The following CHLSN variants were observed in gnomAD, a reference collection of about 807,000 sequenced individuals.
CHLSN encodes the protein protein cholesin.
At chr7:1,033,490 G>A in the CHLSN span, among the ~76,000 whole-genome samples, 3 of 152,006 alleles carry the variant, frequency 2.0e-5, no homozygotes, top group African/African-American at 7.3e-5. Context: ...CTTGGGAAGT[G>A]GAGGTTGCAG....
At chr7:1,105,387 A>G in the CHLSN span, among the ~76,000 whole-genome samples, 1 of 152,192 alleles carries the variant, frequency 6.6e-6, no homozygotes. Context: ...GTGACGCCCC[A>G]GCCTCTAAGA....
the CHLSN span, among the ~76,000 whole-genome samples, chr7:1,081,706 GGGAGGGA>G: frequency 2.7e-4 from 41 of 149,640 alleles, no homozygotes; most frequent in African/African-American, 9.5e-4. Flanking sequence ...CGCAGCCTGG[GGGAGGGA>G]CAGGGAGGCC....
At chr7:1,138,159 G>A in the CHLSN span, 1 of 151,790 alleles carries the variant, frequency 6.6e-6, no homozygotes, top group African/African-American at 2.4e-5. Flanking sequence ...CTGACCCGCC[G>A]GCCACCCCGC....
chr7:995,389 C>A, the CHLSN span, among the ~76,000 whole-genome samples: 1 of 152,212 alleles, frequency 6.6e-6, no homozygotes, highest in African/African-American at 2.4e-5. Flanking sequence ...TCTGTGCTGT[C>A]GAAGGGAGGC....
At chr7:1,106,570 C>A in the CHLSN span, among the ~76,000 whole-genome samples, 20 of 152,300 alleles carry the variant, frequency 1.3e-4, no homozygotes, top group Non-Finnish European at 2.6e-4. Context: ...AGGAGCCCGG[C>A]CCACATGAGC....
chr7:1,134,693 C>A, the CHLSN span, among the ~76,000 whole-genome samples: 1 of 151,476 alleles, frequency 6.6e-6, no homozygotes, highest in East Asian at 1.9e-4. Context: ...ATGGTGAAAC[C>A]CCGTCTCTAC....
the CHLSN span, chr7:988,584 TC>T: frequency 3.5e-5 from 56 of 1,597,402 alleles, no homozygotes; most frequent in African/African-American, 6.5e-4. Flanking sequence ...ACCCCTCCCC[TC>T]CAGGAGCAGG....
the CHLSN span, among the ~76,000 whole-genome samples, chr7:1,027,367 G>A: frequency 6.6e-6 from 1 of 152,240 alleles, no homozygotes; most frequent in Admixed American, 6.5e-5. Context: ...TCGCGTGTCC[G>A]TGCGGACGCC....
the CHLSN span, among the ~76,000 whole-genome samples, chr7:1,010,987 C>G: frequency 6.6e-6 from 1 of 151,826 alleles, no homozygotes; most frequent in African/African-American, 2.4e-5. Context: ...GGGCACAGCC[C>G]ACGCCTACGC....
the CHLSN span, chr7:1,057,374 C>T: frequency 2.8e-5 from 17 of 597,792 alleles, no homozygotes; most frequent in Non-Finnish European, 4.2e-5. Flanking sequence ...AAGGCAGCCT[C>T]GCTCTGTGGT....
the CHLSN span, among the ~76,000 whole-genome samples, chr7:992,832 C>T: frequency 1.3e-5 from 2 of 152,190 alleles, no homozygotes; most frequent in African/African-American, 4.8e-5. Context: ...CTCAGCCTAG[C>T]GCCCAGCTGT....
chr7:988,768 G>T, the CHLSN span: 5 of 1,598,206 alleles, frequency 3.1e-6, no homozygotes, highest in African/African-American at 5.3e-5. Flanking sequence ...CGCCCGCCCG[G>T]GCTTTTACCA....
the CHLSN span, among the ~76,000 whole-genome samples, chr7:1,023,272 C>A: frequency 1.1e-4 from 16 of 152,174 alleles, no homozygotes; most frequent in Admixed American, 6.5e-5. The surrounding 1 kb of genome is among the most constrained non-coding windows in gnomAD (Gnocchi z 5.0). Context: ...TGTGAGGTGT[C>A]CCCAACAGAT....
At chr7:1,000,129 G>A in the CHLSN span, among the ~76,000 whole-genome samples, 67 of 152,252 alleles carry the variant, frequency 4.4e-4, no homozygotes, top group Non-Finnish European at 7.8e-4. Context: ...AGGCAACGCT[G>A]CTCATCTCTT....
chr7:988,371 C>G, the CHLSN span: 2 of 1,612,700 alleles, frequency 1.2e-6, no homozygotes, highest in South Asian at 1.1e-5. Flanking sequence ...TTCCTGGACG[C>G]GAATGGGCAC....
the CHLSN span, among the ~76,000 whole-genome samples, chr7:1,124,256 A>G: frequency 6.6e-6 from 1 of 152,052 alleles, no homozygotes; most frequent in African/African-American, 2.4e-5. Flanking sequence ...CTCTGCCCAC[A>G]GTCACCGTAA....
At chr7:1,089,081 C>T in the CHLSN span, among the ~76,000 whole-genome samples, 2 of 152,258 alleles carry the variant, frequency 1.3e-5, no homozygotes, top group South Asian at 2.1e-4. Context: ...TGCCACGCCA[C>T]GGTCTAATAC....
the CHLSN span, among the ~76,000 whole-genome samples, chr7:1,119,062 G>A: frequency 4.0e-5 from 6 of 151,070 alleles, no homozygotes; most frequent in East Asian, 5.9e-4. Context: ...AGACCATCCC[G>A]GCCAACATGG....
the CHLSN span, among the ~76,000 whole-genome samples, chr7:1,044,312 G>A: frequency 2.6e-5 from 4 of 152,266 alleles, no homozygotes; most frequent in African/African-American, 9.6e-5. Context: ...AACTCCCAGA[G>A]CCCTGGGTGT....
Sources: gnomAD v4.1 joint callset for allele counts (sites outside exome capture counted in the v4.1 genomes callset) on GRCh38, gnomAD v4.1.1 for gene constraint, Gnocchi (gnomAD v3.1) non-coding constraint, MANE v1.5 for transcripts, NCBI Gene and HGNC (gene_info 2026-07-23, HGNC 2026-07-21) for gene names.